PTPN3: variants seen among roughly 807,000 people sequenced by gnomAD.
PTPN3 encodes the protein tyrosine-protein phosphatase non-receptor type 3.
Under a neutral mutation model 132.7 loss-of-function variants are expected in PTPN3, and 96 were observed. The observed-to-expected ratio is 0.72, with a 90% CI of 0.61 to 0.86. The LOEUF (loss-of-function observed/expected upper bound fraction) is 0.86, where lower values mean the gene tolerates loss of function less well. PTPN3 is among the 40% of genes least tolerant of loss of function. PTPN3 has a pLI of 0.00. For synonymous variants in PTPN3, 398 were observed against 429.0 expected (o/e 0.93, Z 0.89); for missense variants, 1,125 against 1,159.6 (o/e 0.97, Z 0.43).
chr9:109,534,320 C>T, the PTPN3 span: 10 of 1,521,558 alleles, frequency 6.6e-6, no homozygotes, highest in Non-Finnish European at 8.8e-6. Context: ...TGGGTCTCGG[C>T]CTCGCTGCTC....
chr9:109,420,342 T>C lies in PTPN3; in HGVS notation c.1313+82A>G, dbSNP rs547046705. 2.1e-6 allele frequency: 3 copies of C among 1,427,562 alleles called. No homozygotes were observed. The African/African-American group carries it at 4.3e-5, about 20-fold the overall frequency. The allele number at this position is 1,427,562 out of a possible 1,614,324, so 88.4% of individuals were successfully genotyped here. A position where few individuals can be genotyped will look rare whatever the true frequency, so the allele number is the denominator to read the frequency against. ...TGCAGGCACCAGCTCTTGGTTCCTCTCAAATGGCAACCTGGACCTGAGCAA... is the reference window on the plus strand; with the variant it reads ...TGCAGGCACCAGCTCTTGGTTCCTCCCAAATGGCAACCTGGACCTGAGCAA... On this transcript the variant is annotated intron_variant, in intron 14 of 25. Transcript: ENST00000374541.
intron 14 of PTPN3, among the ~76,000 whole-genome samples, chr9:109,418,221 A>G (rs1241056266): frequency 6.6e-6 from 1 of 152,226 alleles, no homozygotes; most frequent in Non-Finnish European, 1.5e-5. Context: ...GCTGGCCTGG[A>G]GGCTCCTGAA....
chr9:109,486,132 T>C (rs1040117712), intron 1 of PTPN3, among the ~76,000 whole-genome samples: 1 of 152,144 alleles, frequency 6.6e-6, no homozygotes, highest in South Asian at 2.1e-4. Context: ...ACGGACCCCA[T>C]CCTGGCATCA....
At chr9:109,408,700 G>C (rs984148339) in intron 16 of PTPN3, among the ~76,000 whole-genome samples, 2 of 151,038 alleles carry the variant, frequency 1.3e-5, no homozygotes, top group Admixed American at 6.6e-5. Context: ...TGCCCCCAGA[G>C]AGGGACTCCA....
At chr9:109,396,331 T>C (rs1840600797) in intron 19 of PTPN3, among the ~76,000 whole-genome samples, 1 of 152,180 alleles carries the variant, frequency 6.6e-6, no homozygotes. Flanking sequence ...AGTTAAGGCT[T>C]TGTGATATTG....
the PTPN3 span, among the ~76,000 whole-genome samples, chr9:109,508,674 A>G: frequency 6.6e-6 from 1 of 152,154 alleles, no homozygotes. Flanking sequence ...GTTCTTTGTC[A>G]AAGTCCTTCC....
intron 25 of PTPN3, among the ~76,000 whole-genome samples, chr9:109,380,213 AAATC>A (rs1464341020): frequency 1.5e-5 from 2 of 130,934 alleles, no homozygotes. Context: ...CCAGCTAGGA[AAATC>A]TATCTATCTA....
At chr9:109,425,087 T>C (rs1010778240) in intron 12 of PTPN3, among the ~76,000 whole-genome samples, 1 of 152,200 alleles carries the variant, frequency 6.6e-6, no homozygotes, top group Non-Finnish European at 1.5e-5. Context: ...GTTATTTTCA[T>C]GGCTTGCTCA....
At chr9:109,418,459 G>C (rs1272995725) in intron 14 of PTPN3, among the ~76,000 whole-genome samples, 2 of 152,210 alleles carry the variant, frequency 1.3e-5, no homozygotes, top group South Asian at 4.1e-4. Flanking sequence ...TGAGCAGCTG[G>C]GTGAGTGGTG....
intron 1 of PTPN3, among the ~76,000 whole-genome samples, chr9:109,491,391 G>C (rs1351304186): frequency 1.3e-5 from 2 of 151,990 alleles, no homozygotes; most frequent in Non-Finnish European, 2.9e-5. Context: ...TATGTACACA[G>C]GGATAAAATA....
At chr9:109,410,137 G>T (rs1841961857) in intron 15 of PTPN3, 61 bp from the exon 16 acceptor site, 2 of 1,613,576 alleles carry the variant, frequency 1.2e-6, no homozygotes, top group African/African-American at 2.7e-5. Context: ...TTGGTGATAA[G>T]ATATTTTCAT....
chr9:109,534,632 C>CAAAA, the PTPN3 span, among the ~76,000 whole-genome samples: 1,097 of 108,706 alleles, frequency 0.01, 18 homozygotes, highest in Admixed American at 0.011. Flanking sequence ...CAAAAAAATA[C>CAAAA]AAAAAAAAAA....
chr9:109,517,139 C>T, the PTPN3 span, among the ~76,000 whole-genome samples: 1 of 152,160 alleles, frequency 6.6e-6, no homozygotes, highest in African/African-American at 2.4e-5. Flanking sequence ...ACTGAAAAGT[C>T]ATCCTCACAT....
chr9:109,457,490 T>G (rs774519578), intron 2 of PTPN3, 91 bp from the exon 3 acceptor site: 16 of 998,748 alleles, frequency 1.6e-5, no homozygotes, highest in Non-Finnish European at 2.4e-5. Flanking sequence ...GTTAAAATAT[T>G]CAGAAATGCT....
At chr9:109,407,408 T>C (rs1041442555) in intron 17 of PTPN3, among the ~76,000 whole-genome samples, 7 of 152,076 alleles carry the variant, frequency 4.6e-5, no homozygotes, top group Admixed American at 1.3e-4. Context: ...AGGTTAACTA[T>C]GGAAAGTGAT....
intron 14 of PTPN3, among the ~76,000 whole-genome samples, chr9:109,412,163 G>GTCTCTACCTCTGTCTCCC (rs1842120886): frequency 2.0e-5 from 3 of 151,982 alleles, no homozygotes; most frequent in African/African-American, 4.8e-5. Context: ...CTCTGTCTCT[G>GTCTCTACCTCTGTCTCCC]TCTCTACCTC....
At chr9:109,443,676 T>A (rs1844649552) in intron 7 of PTPN3, among the ~76,000 whole-genome samples, 1 of 152,080 alleles carries the variant, frequency 6.6e-6, no homozygotes, top group South Asian at 2.1e-4. Context: ...GGTCTACAGA[T>A]CATAAGAATA....
At chr9:109,486,654 G>A (rs1283285780) in intron 1 of PTPN3, among the ~76,000 whole-genome samples, 1 of 152,168 alleles carries the variant, frequency 6.6e-6, no homozygotes, top group African/African-American at 2.4e-5. Flanking sequence ...GCACTCATGA[G>A]GAGTTGTGCA....
intron 7 of PTPN3, among the ~76,000 whole-genome samples, chr9:109,442,574 C>G (rs948760368): frequency 5.3e-5 from 8 of 152,180 alleles, no homozygotes; most frequent in African/African-American, 1.9e-4. Flanking sequence ...ACTACTGAAG[C>G]CTGCGATAGA....
Sources: gnomAD v4.1 joint callset for allele counts (sites outside exome capture counted in the v4.1 genomes callset) on GRCh38, gnomAD v4.1.1 for gene constraint, MANE v1.5 for transcripts, NCBI Gene and HGNC (gene_info 2026-07-23, HGNC 2026-07-21) for gene names.